NKAIN2: variants seen among roughly 807,000 people sequenced by gnomAD.
NKAIN2 encodes sodium/potassium-transporting ATPase subunit beta-1-interacting protein 2.
NKAIN2 carries 14 observed loss-of-function variants against 32.6 expected under a neutral mutation model. The ratio of observed to expected loss-of-function variants is 0.43; its 90% CI spans 0.28 to 0.67. The LOEUF (loss-of-function observed/expected upper bound fraction) is 0.67. Among genes scored for constraint, NKAIN2 ranks in the 30% least tolerant of loss-of-function variants. The pLI, the probability that NKAIN2 is intolerant of heterozygous loss-of-function variation, is 0.17. For synonymous variants in NKAIN2, 80 were observed against 87.2 expected (o/e 0.92, Z 0.46); for missense variants, 198 against 258.3 (o/e 0.77, Z 1.60).
intron 1 of NKAIN2, among the ~76,000 whole-genome samples, chr6:124,271,527 T>C (rs937494930): frequency 1.3e-5 from 2 of 152,330 alleles, no homozygotes; most frequent in Non-Finnish European, 2.9e-5. Flanking sequence ...AAACCTCCTT[T>C]CTTTACAAAT....
At chr6:124,557,614 G>C (rs1219732627) in intron 3 of NKAIN2, among the ~76,000 whole-genome samples, 1 of 152,136 alleles carries the variant, frequency 6.6e-6, no homozygotes, top group Non-Finnish European at 1.5e-5. Flanking sequence ...ACCAGTGACT[G>C]TTCCCCACGT....
chr6:124,610,577 AATACAGAATTATC>A (rs1782654127), intron 3 of NKAIN2, among the ~76,000 whole-genome samples: 1 of 152,146 alleles, frequency 6.6e-6, no homozygotes, highest in Non-Finnish European at 1.5e-5. Context: ...CTCAATTTTA[AATACAGAATTATC>A]ATACACTTTG....
At chr6:123,853,859 A>G (rs939196060) in intron 1 of NKAIN2, among the ~76,000 whole-genome samples, 5 of 150,334 alleles carry the variant, frequency 3.3e-5, no homozygotes, top group African/African-American at 4.9e-5. Flanking sequence ...TGCAACCTCC[A>G]CCTCCTGGGT....
chr6:123,822,411 C>G (rs539775651), intron 1 of NKAIN2, among the ~76,000 whole-genome samples: 1 of 152,110 alleles, frequency 6.6e-6, no homozygotes, highest in Non-Finnish European at 1.5e-5. Flanking sequence ...CACAGTGGGA[C>G]ATTTACAGAG....
At chr6:124,521,622 G>A (rs1779121814) in intron 3 of NKAIN2, among the ~76,000 whole-genome samples, 1 of 152,046 alleles carries the variant, frequency 6.6e-6, no homozygotes, top group African/African-American at 2.4e-5. Flanking sequence ...TTCTCTATAA[G>A]TACAATTTTC....
intron 3 of NKAIN2, among the ~76,000 whole-genome samples, chr6:124,415,833 A>G (rs978504505): frequency 1.4e-4 from 17 of 123,212 alleles, no homozygotes; most frequent in Non-Finnish European, 2.3e-4. Flanking sequence ...CATAGGTTTC[A>G]TTGATTTTTA....
chr6:123,814,150 G>C (rs183728448), intron 1 of NKAIN2, among the ~76,000 whole-genome samples: 3 of 152,144 alleles, frequency 2.0e-5, no homozygotes, highest in East Asian at 1.9e-4. Flanking sequence ...TACAAGGCAG[G>C]GGGTGGAGGG....
intron 1 of NKAIN2, among the ~76,000 whole-genome samples, chr6:124,077,764 T>A (rs1030856916): frequency 2.7e-5 from 4 of 150,316 alleles, no homozygotes; most frequent in Non-Finnish European, 5.9e-5. Flanking sequence ...ACCCAGCTAT[T>A]TTTTTTTTAT....
At chr6:124,213,982 C>A (rs929414509) in intron 1 of NKAIN2, among the ~76,000 whole-genome samples, 1 of 152,106 alleles carries the variant, frequency 6.6e-6, no homozygotes, top group Non-Finnish European at 1.5e-5. Context: ...AAGAATATTT[C>A]TTAAATTTGT....
chr6:124,152,128 G>A (rs1787756572), intron 1 of NKAIN2, among the ~76,000 whole-genome samples: 1 of 151,830 alleles, frequency 6.6e-6, no homozygotes, highest in African/African-American at 2.4e-5. Flanking sequence ...AATTATTTGT[G>A]TATGCATGTG....
chr6:124,331,428 C>A (rs1217566152), intron 2 of NKAIN2, among the ~76,000 whole-genome samples: 5 of 145,246 alleles, frequency 3.4e-5, no homozygotes, highest in Admixed American at 6.9e-5. Context: ...ACACGGGAGG[C>A]CGAGGCAGGA....
intron 1 of NKAIN2, among the ~76,000 whole-genome samples, chr6:124,213,027 A>G (rs1404851785): frequency 1.3e-5 from 2 of 152,128 alleles, no homozygotes; most frequent in African/African-American, 2.4e-5. Context: ...GCTTCAAGCA[A>G]TGTCTTCTAC....
At chr6:124,323,784 CTTT>C (rs1188944631) in intron 2 of NKAIN2, among the ~76,000 whole-genome samples, 6 of 115,936 alleles carry the variant, frequency 5.2e-5, no homozygotes, top group African/African-American at 1.6e-4. Context: ...TTAATTTTTT[CTTT>C]TTTTTTTTTT....
chr6:124,078,328 T>G (rs923736253), intron 1 of NKAIN2, among the ~76,000 whole-genome samples: 3 of 150,012 alleles, frequency 2.0e-5, no homozygotes, highest in Admixed American at 2.0e-4. Flanking sequence ...TGTGCAGTAG[T>G]GGAAGTTAAA....
chr6:124,478,793 A>G (rs572012558), intron 3 of NKAIN2, among the ~76,000 whole-genome samples: 3 of 152,312 alleles, frequency 2.0e-5, no homozygotes, highest in Admixed American at 1.3e-4. Context: ...AGGCATGACT[A>G]TTCATTCCTT....
chr6:124,511,256 G>C (rs1405498229), intron 3 of NKAIN2, among the ~76,000 whole-genome samples: 2 of 152,138 alleles, frequency 1.3e-5, no homozygotes, highest in Non-Finnish European at 1.5e-5. Context: ...TGCAGCTTTA[G>C]ATCAAATAGA....
intron 1 of NKAIN2, among the ~76,000 whole-genome samples, chr6:124,258,069 C>T (rs1025317689): frequency 4.6e-5 from 7 of 151,664 alleles, no homozygotes; most frequent in African/African-American, 1.5e-4. Flanking sequence ...TGTGAGCCAC[C>T]GTGCTGGCCA....
At chr6:124,443,742 T>C (rs1775784606) in intron 3 of NKAIN2, among the ~76,000 whole-genome samples, 1 of 152,108 alleles carries the variant, frequency 6.6e-6, no homozygotes. Context: ...GTGTCATAAA[T>C]TTGTAACTAT....
chr6:124,758,599 C>T (rs1291490690), intron 4 of NKAIN2, among the ~76,000 whole-genome samples: 1 of 152,156 alleles, frequency 6.6e-6, no homozygotes, highest in Non-Finnish European at 1.5e-5. Flanking sequence ...CTTGGTTAGG[C>T]CGCAGTTCCC....
Sources: allele counts gnomAD v4.1 joint callset (sites outside exome capture counted in the v4.1 genomes callset), GRCh38; gene constraint gnomAD v4.1.1; transcripts MANE v1.5; gene names NCBI Gene and HGNC (gene_info 2026-07-23, HGNC 2026-07-21).